Variants in TAS2R1 observed in about 807,000 individuals in gnomAD.
TAS2R1 encodes taste 2 receptor member 1, also known as taste receptor type 2 member 1.
For synonymous variants in TAS2R1, 141 were observed against 134.2 expected (o/e 1.05, Z -0.35); for missense variants, 370 against 353.4 (o/e 1.05, Z -0.38).
chr5:9,776,194 C>T, the TAS2R1 span, among the ~76,000 whole-genome samples: 18 of 152,162 alleles, frequency 1.2e-4, no homozygotes, highest in Non-Finnish European at 2.1e-4. Context: ...CTGAGTTCTG[C>T]CCAGTTTTGC....
chr5:9,629,368 G>C lies in TAS2R1; in HGVS notation c.665C>G (p.Ala222Gly). The C allele has an allele frequency of 1.9e-6, 3 of 1,614,052 alleles. No individual in the cohort carries two copies. The highest frequency in any genetic ancestry group is 1.7e-6 in the Non-Finnish European group (2 of 1,179,998). The change falls in exon 1 of 1, where the codon GCA becomes GGA. Residue 222 changes from alanine (A) to glycine (G), a missense_variant. Physicochemically the swap from Ala to Gly is moderately conservative, Grantham distance 60 (BLOSUM62 0). Coordinates refer to ENST00000382492, the MANE Select transcript of TAS2R1 (RefSeq NM_019599.3). ...VAGSRVPGRG[A>G]PISALLSILS... ...GATAGACAGCAACGCGCTGATGGGT[G>C]CACCCCTGCCAGGAACCCTGCTGCC...
At chr5:9,631,338 C>T (rs1033633922), upstream of TAS2R1, among the ~76,000 whole-genome samples, 1 of 152,200 alleles carries the variant, frequency 6.6e-6, no homozygotes, top group Admixed American at 6.5e-5. Flanking sequence ...TTCCTGGACT[C>T]AGGTAATCCT....
chr5:9,878,104 G>A, the TAS2R1 span, among the ~76,000 whole-genome samples: 1 of 152,184 alleles, frequency 6.6e-6, no homozygotes, highest in Non-Finnish European at 1.5e-5. Flanking sequence ...GAGACCATGA[G>A]TCATTTGGGG....
At chr5:9,704,506 C>T (rs1424472365) in intron 1 of TAS2R1, among the ~76,000 whole-genome samples, 1 of 152,126 alleles carries the variant, frequency 6.6e-6, no homozygotes, top group Non-Finnish European at 1.5e-5. Flanking sequence ...CAGCAAAAGG[C>T]AGTTCACGAT....
At chr5:9,849,694 G>A in the TAS2R1 span, among the ~76,000 whole-genome samples, 1 of 152,098 alleles carries the variant, frequency 6.6e-6, no homozygotes, top group African/African-American at 2.4e-5. Context: ...CACCTCCTAG[G>A]TGGAGAGGCT....
At chr5:9,890,975 C>T in the TAS2R1 span, among the ~76,000 whole-genome samples, 1 of 152,202 alleles carries the variant, frequency 6.6e-6, no homozygotes. Flanking sequence ...CCACAACCAT[C>T]CTCAAAGTAT....
intron 1 of TAS2R1, among the ~76,000 whole-genome samples, chr5:9,675,407 T>C (rs397362): frequency 0.51 from 76,141 of 149,688 alleles, 21,068 homozygotes; most frequent in Non-Finnish European, 0.65. Context: ...CATTAATTAT[T>C]TTTTTCTTTT....
At chr5:9,797,511 A>G in the TAS2R1 span, among the ~76,000 whole-genome samples, 1 of 152,172 alleles carries the variant, frequency 6.6e-6, no homozygotes, top group Non-Finnish European at 1.5e-5. Flanking sequence ...GCATGAATTA[A>G]CAGCAAAAAA....
At chr5:9,873,537 G>T in the TAS2R1 span, among the ~76,000 whole-genome samples, 1 of 151,546 alleles carries the variant, frequency 6.6e-6, no homozygotes, top group Non-Finnish European at 1.5e-5. Flanking sequence ...CTTACATCCT[G>T]AGTGGGAGAT....
intron 1 of TAS2R1, among the ~76,000 whole-genome samples, chr5:9,667,449 C>T (rs1008760734): frequency 6.6e-6 from 1 of 152,200 alleles, no homozygotes; most frequent in Non-Finnish European, 1.5e-5. Flanking sequence ...ATGGGCCACA[C>T]CTGCTAGAGC....
intron 2 of TAS2R1, among the ~76,000 whole-genome samples, chr5:9,640,392 A>G (rs1446239542): frequency 6.6e-6 from 1 of 151,812 alleles, no homozygotes; most frequent in Non-Finnish European, 1.5e-5. Flanking sequence ...CAGATAGTGA[A>G]CGAATTACCA....
At chr5:9,810,523 G>T in the TAS2R1 span, among the ~76,000 whole-genome samples, 2 of 152,154 alleles carry the variant, frequency 1.3e-5, no homozygotes, top group African/African-American at 4.8e-5. Flanking sequence ...CTGGCTCTGA[G>T]TTTAATGGGC....
the TAS2R1 span, among the ~76,000 whole-genome samples, chr5:9,755,581 C>A: frequency 6.1e-5 from 7 of 115,110 alleles, no homozygotes; most frequent in African/African-American, 2.1e-4. Flanking sequence ...AGTGAGACTC[C>A]ATCTCCAAAA....
At chr5:9,695,984 T>A (rs1457242744) in intron 1 of TAS2R1, among the ~76,000 whole-genome samples, 1 of 152,192 alleles carries the variant, frequency 6.6e-6, no homozygotes, top group Non-Finnish European at 1.5e-5. Context: ...AATTCAAGTG[T>A]GCTACTGGCT....
At chr5:9,762,676 C>A in the TAS2R1 span, among the ~76,000 whole-genome samples, 6 of 152,118 alleles carry the variant, frequency 3.9e-5, no homozygotes. Flanking sequence ...AAAAGCTGCT[C>A]AGAAATCTAG....
the TAS2R1 span, among the ~76,000 whole-genome samples, chr5:9,804,501 C>A: frequency 6.6e-6 from 1 of 152,140 alleles, no homozygotes; most frequent in East Asian, 1.9e-4. Context: ...GGCCACAAAA[C>A]AAGTCTCAAT....
chr5:9,883,231 CA>C, the TAS2R1 span: 1 of 151,970 alleles, frequency 6.6e-6, no homozygotes, highest in South Asian at 2.1e-4. Flanking sequence ...GTCCGGGGTA[CA>C]GGGGGAGGGA....
At chr5:9,735,938 T>C in the TAS2R1 span, among the ~76,000 whole-genome samples, 2 of 152,226 alleles carry the variant, frequency 1.3e-5, no homozygotes, top group Admixed American at 6.5e-5. Flanking sequence ...ATAGGACCTG[T>C]ACATCCAGCT....
chr5:9,821,458 C>T, the TAS2R1 span, among the ~76,000 whole-genome samples: 2 of 152,170 alleles, frequency 1.3e-5, no homozygotes, highest in Admixed American at 1.3e-4. Flanking sequence ...GAGAGTTGAA[C>T]TTTACAGTCA....
Sources: allele counts gnomAD v4.1 joint callset (sites outside exome capture counted in the v4.1 genomes callset), GRCh38; gene constraint gnomAD v4.1.1; transcripts MANE v1.5; gene names NCBI Gene and HGNC (gene_info 2026-07-23, HGNC 2026-07-21).